IRAG2: variants seen among roughly 807,000 people sequenced by gnomAD.
IRAG2 encodes the protein inositol 1,4,5-triphosphate receptor associated 2.
IRAG2 carries 45 observed loss-of-function variants against 69.9 expected under a neutral mutation model. The ratio of observed to expected loss-of-function variants is 0.64; its 90% CI spans 0.51 to 0.83. IRAG2 has a LOEUF of 0.83. Among genes scored for constraint, IRAG2 ranks in the 40% least tolerant of loss-of-function variants. IRAG2 has a pLI of 0.00. For missense variants in IRAG2, 520 were observed against 587.0 expected, an observed-to-expected ratio of 0.89 and a Z score of 1.18; for synonymous variants, 193 against 202.4, an observed-to-expected ratio of 0.95 and a Z score of 0.40.
intron 1 of IRAG2, 77 bp downstream of exon 1, chr12:25,053,033 A>C (rs771654157): frequency 7.5e-6 from 3 of 397,544 alleles, no homozygotes; most frequent in Non-Finnish European, 1.3e-5. Context: ...ACATTTTTCT[A>C]GATTACAGCT....
In IRAG2 at chr12:25,104,076, G is replaced by T. The variant is rs1948900288; in HGVS notation, c.1046+18G>T. 6.2e-7 allele frequency: 1 copy of T among 1,610,392 alleles called. No individual in the cohort carries two copies. Among genetic ancestry groups the T allele is most frequent in the Non-Finnish European group, 8.5e-7 (1 of 1,177,930 alleles). Reference sequence around the variant, plus strand: ...AGCAGTTGGTAAGTGTAATTTTATGGTTCCTCTTTGGGAACCTTACTATTT... The same window carrying T: ...AGCAGTTGGTAAGTGTAATTTTATGTTTCCTCTTTGGGAACCTTACTATTT... On this transcript the variant is annotated intron_variant, in intron 19 of 21. Coordinates refer to ENST00000556887, the MANE Select transcript of IRAG2 (RefSeq NM_001366544.2).
In IRAG2 at chr12:25,088,159, T is replaced by C; in HGVS notation, c.373+2T>C. 6.2e-7 allele frequency: 1 copy of C among 1,611,402 alleles called. No individual in the cohort carries two copies. ...ATAAAAAAGAACATGCTTCAGGAGG[T>C]AAGGAATGTTTCTTTCAATCCCCAT... On this transcript the variant is annotated splice_donor_variant, in intron 11 of 21. Transcript: ENST00000556887. LOFTEE classifies it high-confidence loss of function.
At chr12:25,026,913 C>A in intron 9 of IRAG2, 1 of 982,482 alleles carries the variant, frequency 1.0e-6, no homozygotes, top group Non-Finnish European at 1.3e-6. Context: ...TCTGTCAAAC[C>A]AGTATTATTT....
At chr12:25,053,100 G>A (rs1052750488) in intron 1 of IRAG2, 144 bp downstream of exon 1, 7 of 394,994 alleles carry the variant, frequency 1.8e-5, no homozygotes, top group Admixed American at 1.3e-4. Flanking sequence ...AATATTGTGG[G>A]GCTTTCAGAG....
At chr12:25,038,592 G>A (rs977655967) in intron 16 of IRAG2, among the ~76,000 whole-genome samples, 1 of 147,742 alleles carries the variant, frequency 6.8e-6, no homozygotes, top group Non-Finnish European at 1.5e-5. Context: ...AGTGAGCTGA[G>A]ATTGCACTAC....
At chr12:25,096,860 T>C (rs1948450030) in intron 14 of IRAG2, 50 bp from the exon 15 acceptor site, 1 of 1,513,444 alleles carries the variant, frequency 6.6e-7, no homozygotes, top group Non-Finnish European at 9.0e-7. Flanking sequence ...TTAGAATCAC[T>C]CGCTGAATGC....
At chr12:25,038,068 C>A (rs1486534384) in exon 16 of IRAG2, 1 of 398,544 alleles carries the variant, frequency 2.5e-6, no homozygotes, top group Non-Finnish European at 4.4e-6. Flanking sequence ...AAAGAATTTG[C>A]CAAATTAATA....
chr12:25,077,891 T>C (rs1160446715), intron 6 of IRAG2, among the ~76,000 whole-genome samples: 1 of 152,220 alleles, frequency 6.6e-6, no homozygotes. Context: ...GCAAGTTCGA[T>C]TGTAGATTTT....
chr12:25,052,481 T>A (rs185732658), upstream of IRAG2: 2 of 393,514 alleles, frequency 5.1e-6, no homozygotes, highest in Admixed American at 4.5e-5. Context: ...GCAAGTTCAG[T>A]CCCTAGCGAC....
intron 5 of IRAG2, among the ~76,000 whole-genome samples, chr12:25,068,192 A>C (rs540768775): frequency 6.6e-6 from 1 of 152,182 alleles, no homozygotes; most frequent in African/African-American, 2.4e-5. Flanking sequence ...GCTGGTCTTG[A>C]ACTCCTGGAC....
chr12:25,028,127 G>A (rs1398214886), intron 9 of IRAG2, among the ~76,000 whole-genome samples: 8 of 152,024 alleles, frequency 5.3e-5, no homozygotes, highest in African/African-American at 9.7e-5. Flanking sequence ...ATTTCACCAT[G>A]TTGGCCAGGC....
At chr12:25,099,333 A>G (rs371643490) in intron 15 of IRAG2, among the ~76,000 whole-genome samples, 255 of 152,286 alleles carry the variant, frequency 1.7e-3, no homozygotes, top group African/African-American at 5.9e-3. Context: ...CTGTCCTTTT[A>G]GTTGCTCAGG....
intron 2 of IRAG2, among the ~76,000 whole-genome samples, chr12:25,006,790 T>A (rs530186345): frequency 6.6e-6 from 1 of 152,222 alleles, no homozygotes; most frequent in East Asian, 1.9e-4. Flanking sequence ...ATGGGATCAT[T>A]TGTACACTAA....
upstream of IRAG2, among the ~76,000 whole-genome samples, chr12:25,001,401 G>A (rs1944390017): frequency 6.6e-6 from 1 of 151,994 alleles, no homozygotes. Flanking sequence ...AGCCATGAGT[G>A]CACCACTGCA....
intron 8 of IRAG2, chr12:25,026,730 T>C (rs543638877): frequency 2.5e-6 from 2 of 810,448 alleles, no homozygotes; most frequent in South Asian, 6.3e-5. Flanking sequence ...GAGACTTTGT[T>C]TGTCCTCATC....
intron 5 of IRAG2, chr12:25,017,022 A>C (rs1003917271): frequency 1.2e-6 from 1 of 814,314 alleles, no homozygotes; most frequent in East Asian, 3.4e-5. Flanking sequence ...TAAAGTTAAA[A>C]AAAAAAAAAC....
At position 25,076,291 on chromosome 12, in the gene IRAG2, CAT is replaced by C. The variant is rs1327754979; in HGVS notation, c.25-2951_25-2950del. ...AAGGTAGTATTAAATGGCTACTAAACATAGGCAATTTCTCCAAAATCACATAA... is the reference window on the plus strand; with the variant it reads ...AAGGTAGTATTAAATGGCTACTAAACAGGCAATTTCTCCAAAATCACATAA... On this transcript the variant is annotated intron_variant, in intron 6 of 21. Transcript: ENST00000556887. 6 of 491,964 alleles carry C rather than the reference CAT, an allele frequency of 1.2e-5. No individual in the cohort carries two copies. In the African/African-American group the frequency reaches 1.3e-4, roughly 10 times the overall value. The allele number at this position is 491,964 out of a possible 1,614,324, so 30.5% of individuals were successfully genotyped here.
At chr12:25,064,871 C>T (rs1221053773) in intron 4 of IRAG2, among the ~76,000 whole-genome samples, 2 of 152,108 alleles carry the variant, frequency 1.3e-5, no homozygotes, top group Non-Finnish European at 2.9e-5. Flanking sequence ...GGGCGGATTG[C>T]TTGAGGTCAG....
Position 25,108,223 on chromosome 12 carries a change from A to G in IRAG2, c.*163A>G. On this transcript the variant is annotated 3_prime_UTR_variant, in exon 22 of 22. Coordinates refer to ENST00000556887, the MANE Select transcript of IRAG2 (RefSeq NM_001366544.2). ...TCTTTTTGCCTTTATCTCCCCAACT[A>G]AAATACAATGGGGAAGAAGTCTGCC... 1.4e-6 allele frequency: 1 copy of G among 717,494 alleles called. No homozygotes were observed. The highest frequency in any genetic ancestry group is 2.2e-6 in the Non-Finnish European group (1 of 450,384). The allele number at this position is 717,494 out of a possible 1,614,324, so 44.4% of individuals were successfully genotyped here. A position where few individuals can be genotyped will look rare whatever the true frequency, so the allele number is the denominator to read the frequency against.
Sources: allele counts gnomAD v4.1 joint callset (sites outside exome capture counted in the v4.1 genomes callset), GRCh38; gene constraint gnomAD v4.1.1; transcripts MANE v1.5; gene names NCBI Gene and HGNC (gene_info 2026-07-23, HGNC 2026-07-21).